The following SPECC1 variants were observed in gnomAD, a reference collection of about 807,000 sequenced individuals.
SPECC1 encodes the protein cytospin-B.
A neutral mutation model predicts 104.1 loss-of-function variants in SPECC1; 62 were observed. That is an observed-to-expected ratio of 0.60 (90% CI 0.49 to 0.74). The LOEUF (loss-of-function observed/expected upper bound fraction) is 0.74. Among genes scored for constraint, SPECC1 ranks in the 30% least tolerant of loss-of-function variants. The probability of loss-of-function intolerance (pLI) is 0.00; values close to 1 mark genes in which losing one functional copy is unlikely to be tolerated. For synonymous variants in SPECC1, 513 were observed against 501.6 expected (o/e 1.02, Z -0.30); for missense variants, 1,306 against 1,310.5 (o/e 1.00, Z 0.05).
At chr17:20,079,143 C>T (rs1449961173) in intron 1 of SPECC1, among the ~76,000 whole-genome samples, 4 of 152,180 alleles carry the variant, frequency 2.6e-5, no homozygotes, top group African/African-American at 9.7e-5. Flanking sequence ...GGAAAAGTTG[C>T]TTTATTGATG....
At chr17:20,141,444 T>C (rs1005736089) in intron 3 of SPECC1, among the ~76,000 whole-genome samples, 1 of 152,208 alleles carries the variant, frequency 6.6e-6, no homozygotes, top group African/African-American at 2.4e-5. Flanking sequence ...GCTTCAGTCA[T>C]GCTAACTGAT....
intron 3 of SPECC1, among the ~76,000 whole-genome samples, chr17:20,152,627 G>A (rs951738912): frequency 5.3e-5 from 8 of 152,174 alleles, no homozygotes; most frequent in Admixed American, 3.3e-4. Context: ...CAGAAAGAGA[G>A]AGAGAGAAAG....
intron 3 of SPECC1, among the ~76,000 whole-genome samples, chr17:20,149,826 CTTTAA>C (rs2031821184): frequency 6.6e-6 from 1 of 152,082 alleles, no homozygotes; most frequent in African/African-American, 2.4e-5. Context: ...ATTTTCTAAT[CTTTAA>C]TTTGAGTTAA....
At chr17:20,054,015 G>C (rs747708321) in intron 1 of SPECC1, among the ~76,000 whole-genome samples, 10 of 152,284 alleles carry the variant, frequency 6.6e-5, no homozygotes, top group Middle Eastern at 6.8e-3. Flanking sequence ...ATCAAGTCCT[G>C]TTATTTTCAT....
intron 1 of SPECC1, among the ~76,000 whole-genome samples, chr17:20,090,688 G>A (rs2047368582): frequency 6.6e-6 from 1 of 152,070 alleles, no homozygotes; most frequent in Non-Finnish European, 1.5e-5. Flanking sequence ...CATGTTACAG[G>A]TAAGGGAATA....
At chr17:20,153,549 A>G (rs1174706614) in intron 3 of SPECC1, among the ~76,000 whole-genome samples, 2 of 152,206 alleles carry the variant, frequency 1.3e-5, no homozygotes, top group Non-Finnish European at 2.9e-5. Flanking sequence ...CAGCAAAGAC[A>G]AGAGAGGCAA....
chr17:20,210,910 C>G (rs1383495199), intron 4 of SPECC1, among the ~76,000 whole-genome samples: 1 of 152,184 alleles, frequency 6.6e-6, no homozygotes, highest in Non-Finnish European at 1.5e-5. Context: ...GGGGTTTTCT[C>G]GGCCTGAAGA....
At chr17:20,146,428 G>T (rs919896467) in intron 3 of SPECC1, among the ~76,000 whole-genome samples, 2 of 152,182 alleles carry the variant, frequency 1.3e-5, no homozygotes, top group Admixed American at 1.3e-4. Context: ...TTATATGGAT[G>T]TACCACAGTT....
chr17:20,179,852 A>G (rs540067265), intron 3 of SPECC1, among the ~76,000 whole-genome samples: 50 of 152,342 alleles, frequency 3.3e-4, no homozygotes, highest in Non-Finnish European at 6.6e-4. Context: ...ACACGGCTGA[A>G]GATTCAGAAT....
intron 3 of SPECC1, among the ~76,000 whole-genome samples, chr17:20,118,115 T>TAATA (rs143553678): frequency 0.26 from 39,005 of 150,762 alleles, 6,573 homozygotes; most frequent in African/African-American, 0.49. Context: ...AATAAATAAA[T>TAATA]AATAAATAAA....
intron 3 of SPECC1, among the ~76,000 whole-genome samples, chr17:20,141,490 T>C (rs908785612): frequency 2.6e-5 from 4 of 152,208 alleles, no homozygotes; most frequent in African/African-American, 9.6e-5. Context: ...AGGTTGTAAA[T>C]AATACATCAA....
At chr17:20,073,878 C>T (rs2046656932) in intron 1 of SPECC1, among the ~76,000 whole-genome samples, 2 of 152,122 alleles carry the variant, frequency 1.3e-5, no homozygotes, top group African/African-American at 4.8e-5. Flanking sequence ...ATGCCACATG[C>T]ATGATTTTGG....
At chr17:20,071,976 T>C (rs986978036) in intron 1 of SPECC1, among the ~76,000 whole-genome samples, 6 of 152,214 alleles carry the variant, frequency 3.9e-5, no homozygotes, top group Non-Finnish European at 8.8e-5. Flanking sequence ...CCTAGCCTTT[T>C]TTCTCCTTTT....
chr17:20,023,740 A>G (rs2044489689), intron 1 of SPECC1, among the ~76,000 whole-genome samples: 1 of 152,190 alleles, frequency 6.6e-6, no homozygotes, highest in South Asian at 2.1e-4. Flanking sequence ...CCACACGTGG[A>G]ATCGTGAATG....
At chr17:20,261,232 G>C (rs931917937) in intron 12 of SPECC1, among the ~76,000 whole-genome samples, 1 of 152,092 alleles carries the variant, frequency 6.6e-6, no homozygotes, top group African/African-American at 2.4e-5. Flanking sequence ...ACAAGCTCCA[G>C]TGGCTCACGC....
At chr17:20,142,658 A>G (rs1378709511) in intron 3 of SPECC1, among the ~76,000 whole-genome samples, 2 of 152,070 alleles carry the variant, frequency 1.3e-5, no homozygotes, top group African/African-American at 4.8e-5. Context: ...GGGAGTAGAG[A>G]GTTATTCTTT....
intron 3 of SPECC1, among the ~76,000 whole-genome samples, chr17:20,193,832 T>A (rs2035828566): frequency 6.6e-6 from 1 of 152,230 alleles, no homozygotes; most frequent in Non-Finnish European, 1.5e-5. Flanking sequence ...GATTGTAATG[T>A]GCCCAGAATT....
At position 20,205,851 on chromosome 17, in the gene SPECC1, T is replaced by C. The variant is rs1281489993; in HGVS notation, c.1802T>C (p.Leu601Pro). Reference sequence around the variant, plus strand: ...CTACTGGAACTGTCTTGCAATGAGCTCAGACAAGAATTACTAAAGGCAAAC... The same window carrying C: ...CTACTGGAACTGTCTTGCAATGAGCCCAGACAAGAATTACTAAAGGCAAAC... ...KDLLELSCNELRQELLKANGE... is the reference protein window; with the variant it reads ...KDLLELSCNEPRQELLKANGE... The change falls in exon 4 of 15, where the codon CTC (leucine) becomes CCC (proline). Residue 601 changes from leucine to proline, a missense_variant. Physicochemically the swap from Leu to Pro is moderately conservative, Grantham distance 98 (BLOSUM62 -3). This residue lies in a region of SPECC1 where 1,177 missense variants were observed against 1,139.9 expected (regional missense o/e 1.03). Coordinates refer to ENST00000395527, the MANE Select transcript of SPECC1 (RefSeq NM_001243439.2). 24 of 1,614,024 alleles carry C rather than the reference T, an allele frequency of 1.5e-5. No homozygotes were observed. The highest frequency in any genetic ancestry group is 2.0e-5 in the Non-Finnish European group (24 of 1,180,000).
At chr17:20,267,314 C>T (rs1433007633) in intron 12 of SPECC1, among the ~76,000 whole-genome samples, 1 of 152,198 alleles carries the variant, frequency 6.6e-6, no homozygotes, top group African/African-American at 2.4e-5. Flanking sequence ...CCTACCCCTC[C>T]CTTTCTTTCA....
Sources: allele counts gnomAD v4.1 joint callset (sites outside exome capture counted in the v4.1 genomes callset), GRCh38; gene constraint gnomAD v4.1.1; regional missense constraint gnomAD v4.1.1; transcripts MANE v1.5; gene names NCBI Gene and HGNC (gene_info 2026-07-23, HGNC 2026-07-21).